The following AUTS2 variants were observed in gnomAD, a reference collection of about 807,000 sequenced individuals.
AUTS2 encodes activator of transcription and developmental regulator AUTS2.
Under a neutral mutation model 112.4 loss-of-function variants are expected in AUTS2, and 17 were observed. The observed-to-expected ratio is 0.15, with a 90% CI of 0.10 to 0.23. AUTS2 has a LOEUF of 0.23. Ranked by LOEUF, AUTS2 falls within the 10% of genes least tolerant of loss-of-function variation. The pLI is 1.00. For missense variants in AUTS2, 1,510 were observed against 1,701.6 expected, an observed-to-expected ratio of 0.89 and a Z score of 1.98; for synonymous variants, 751 against 702.7, an observed-to-expected ratio of 1.07 and a Z score of -1.09.
chr7:69,712,622 A>T (rs1288692482), intron 1 of AUTS2, among the ~76,000 whole-genome samples: 1 of 152,154 alleles, frequency 6.6e-6, no homozygotes, highest in South Asian at 2.1e-4. Context: ...TCTATTTTTA[A>T]ATTGCTGAGC....
At chr7:69,678,609 C>CA (rs1796668993) in intron 1 of AUTS2, among the ~76,000 whole-genome samples, 1 of 152,138 alleles carries the variant, frequency 6.6e-6, no homozygotes, top group Non-Finnish European at 1.5e-5. Flanking sequence ...TTCAGAAACT[C>CA]AATTGTGGCC....
chr7:69,889,846 G>A (rs1441418406), intron 1 of AUTS2, among the ~76,000 whole-genome samples: 1 of 152,090 alleles, frequency 6.6e-6, no homozygotes, highest in Admixed American at 6.6e-5. Flanking sequence ...CCTGAGAATT[G>A]TGTGGTGCTA....
chr7:70,281,767 T>C (rs1232007277), intron 4 of AUTS2, among the ~76,000 whole-genome samples: 2 of 152,328 alleles, frequency 1.3e-5, no homozygotes, highest in Non-Finnish European at 1.5e-5. Context: ...AAATAACATA[T>C]GCTAAGCACT....
chr7:69,677,680 C>A (rs937800702), intron 1 of AUTS2, among the ~76,000 whole-genome samples: 3 of 152,168 alleles, frequency 2.0e-5, no homozygotes, highest in African/African-American at 4.8e-5. Context: ...ATTCTTATAG[C>A]CTTCCTGGGG....
At chr7:69,916,304 A>G (rs1415882181) in intron 2 of AUTS2, among the ~76,000 whole-genome samples, 1 of 152,240 alleles carries the variant, frequency 6.6e-6, no homozygotes, top group Non-Finnish European at 1.5e-5. Flanking sequence ...TTCATTCATT[A>G]AATATTTATT....
intron 5 of AUTS2, among the ~76,000 whole-genome samples, chr7:70,563,557 T>C (rs1801578323): frequency 6.6e-6 from 1 of 152,198 alleles, no homozygotes; most frequent in Admixed American, 6.5e-5. Context: ...TTTATTAAAA[T>C]TGGCCTCATG....
intron 2 of AUTS2, among the ~76,000 whole-genome samples, chr7:69,912,913 A>G (rs1259669364): frequency 6.6e-6 from 1 of 152,212 alleles, no homozygotes; most frequent in Non-Finnish European, 1.5e-5. Flanking sequence ...GTGCAGCATT[A>G]TTTAGCTCAT....
intron 5 of AUTS2, among the ~76,000 whole-genome samples, chr7:70,438,011 G>A (rs531253710): frequency 6.6e-6 from 1 of 152,144 alleles, no homozygotes; most frequent in Middle Eastern, 3.4e-3. Context: ...CAGTGCCTGG[G>A]CCTCATCCCA....
intron 4 of AUTS2, among the ~76,000 whole-genome samples, chr7:70,405,185 A>G (rs1391897307): frequency 6.6e-6 from 1 of 152,232 alleles, no homozygotes; most frequent in South Asian, 2.1e-4. Context: ...AGCTATATTT[A>G]TGTGCTAAGA....
chr7:69,645,968 T>A (rs910382947), intron 1 of AUTS2, among the ~76,000 whole-genome samples: 1 of 138,392 alleles, frequency 7.2e-6, no homozygotes, highest in Admixed American at 7.3e-5. Context: ...ACGGTCTGGA[T>A]TTTTTTTTTT....
At chr7:70,461,773 G>A (rs1480457290) in intron 5 of AUTS2, among the ~76,000 whole-genome samples, 1 of 152,112 alleles carries the variant, frequency 6.6e-6, no homozygotes, top group Non-Finnish European at 1.5e-5. Context: ...CCCAGGTGAG[G>A]AGTTGCCTGT....
At chr7:70,264,774 T>C (rs1787338009) in intron 4 of AUTS2, among the ~76,000 whole-genome samples, 3 of 152,108 alleles carry the variant, frequency 2.0e-5, no homozygotes, top group Admixed American at 1.3e-4. Flanking sequence ...GATGGCTACA[T>C]AGAGAATGAA....
At chr7:69,816,656 A>G (rs946440388) in intron 1 of AUTS2, among the ~76,000 whole-genome samples, 4 of 152,206 alleles carry the variant, frequency 2.6e-5, no homozygotes, top group Non-Finnish European at 5.9e-5. Context: ...CAGTTTACCA[A>G]GAGCTTTCCT....
chr7:70,259,409 A>C (rs1297353869), intron 4 of AUTS2, among the ~76,000 whole-genome samples: 1 of 151,996 alleles, frequency 6.6e-6, no homozygotes, highest in Non-Finnish European at 1.5e-5. Flanking sequence ...CAAAAAGAGG[A>C]GTGCAGCTAA....
intron 5 of AUTS2, among the ~76,000 whole-genome samples, chr7:70,640,575 GT>G (rs1805772618): frequency 5.9e-5 from 5 of 84,070 alleles, no homozygotes; most frequent in South Asian, 3.5e-4. Flanking sequence ...AACTAATGGT[GT>G]GTGTGTGTGT....
At chr7:70,568,014 T>TA (rs1166558424) in intron 5 of AUTS2, among the ~76,000 whole-genome samples, 6 of 152,184 alleles carry the variant, frequency 3.9e-5, no homozygotes. Flanking sequence ...TACCTGGAGA[T>TA]AGAGGTGCTT....
intron 1 of AUTS2, among the ~76,000 whole-genome samples, chr7:69,812,418 A>G (rs748662627): frequency 1.3e-4 from 20 of 152,200 alleles, no homozygotes; most frequent in Non-Finnish European, 2.1e-4. Context: ...GCTTGATGCT[A>G]TATAGATTAC....
rs1252054097 is a variant in AUTS2, at chr7:69,667,356, T to G, written c.309+67394T>G. On this transcript the variant is annotated intron_variant, in intron 1 of 18. Transcript: ENST00000342771. The stretch of plus-strand genomic sequence containing the variant: ...CAAGCTTTTGTTTTGTTGTGTTTTT[T>G]TTTTTTTTTTTTTTTGAGATGGAGT... Among the ~76,000 whole-genome samples the G allele has an allele frequency of 8.1e-3, 1,195 of 148,330 alleles. 15 individuals are homozygous for G. Among genetic ancestry groups the G allele is most frequent in the Middle Eastern group, 0.011 (3 of 276 alleles).
At chr7:69,692,475 G>A (rs2129180403) in intron 1 of AUTS2, among the ~76,000 whole-genome samples, 1 of 152,276 alleles carries the variant, frequency 6.6e-6, no homozygotes, top group African/African-American at 2.4e-5. Context: ...GTCTTTACAT[G>A]TATGAACTAT....
Sources: allele counts gnomAD v4.1 joint callset (sites outside exome capture counted in the v4.1 genomes callset), GRCh38; gene constraint gnomAD v4.1.1; transcripts MANE v1.5; gene names NCBI Gene and HGNC (gene_info 2026-07-23, HGNC 2026-07-21).